The following PAK5 variants were observed in gnomAD, a reference collection of about 807,000 sequenced individuals.
PAK5 encodes p21 (RAC1) activated kinase 5.
In PAK5, 16 loss-of-function variants were observed where a neutral mutation model predicts 65.9. The observed-to-expected ratio is 0.24, with a 90% CI of 0.16 to 0.37. PAK5 has a LOEUF of 0.37. Among genes scored for constraint, PAK5 ranks in the 10% least tolerant of loss-of-function variants. The pLI, the probability that PAK5 is intolerant of heterozygous loss-of-function variation, is 1.00. For synonymous variants in PAK5, 371 were observed against 354.9 expected (o/e 1.05, Z -0.51); for missense variants, 785 against 903.9 (o/e 0.87, Z 1.69).
intron 4 of PAK5, among the ~76,000 whole-genome samples, chr20:9,567,705 A>C (rs2045705616): frequency 6.6e-6 from 1 of 152,258 alleles, no homozygotes; most frequent in Non-Finnish European, 1.5e-5. Context: ...CCAACAGTCA[A>C]AATGAATGAT....
intron 3 of PAK5, among the ~76,000 whole-genome samples, chr20:9,627,701 A>G (rs757933889): frequency 6.6e-6 from 1 of 151,838 alleles, no homozygotes; most frequent in Non-Finnish European, 1.5e-5. Context: ...ATCTCTGCTT[A>G]CTGCAACCTC....
chr20:9,678,944 C>T (rs2047612846), intron 2 of PAK5, among the ~76,000 whole-genome samples: 1 of 152,020 alleles, frequency 6.6e-6, no homozygotes, highest in African/African-American at 2.4e-5. Context: ...GCTGATATTC[C>T]CAGGCAGAGT....
At chr20:9,701,854 G>T (rs1329452091) in intron 2 of PAK5, among the ~76,000 whole-genome samples, 4 of 151,922 alleles carry the variant, frequency 2.6e-5, no homozygotes. Flanking sequence ...TAAAAAATTA[G>T]TCAGGTGTGG....
chr20:9,624,448 T>C (rs138833989), intron 3 of PAK5, among the ~76,000 whole-genome samples: 102 of 152,190 alleles, frequency 6.7e-4, no homozygotes, highest in African/African-American at 2.4e-3. Context: ...GTAGAATTTG[T>C]ACACTTGGAA....
chr20:9,641,943 G>A (rs1205083146), intron 3 of PAK5, among the ~76,000 whole-genome samples: 1 of 152,042 alleles, frequency 6.6e-6, no homozygotes. Flanking sequence ...AGCACCGCAT[G>A]CAGCCCCGGT....
rs141393301 is a variant in PAK5 at position 9,724,311 on chromosome 20, T to C, written c.-161-12876A>G. ...AAGTGTAAGTTTTCAAGGCACTCGT[T>C]TTCTTTGAATTGCCAACCTTCAGCT... On this transcript the variant is annotated intron_variant, in intron 1 of 9. Coordinates refer to ENST00000353224, the MANE Select transcript of PAK5 (RefSeq NM_177990.4). Among the ~76,000 whole-genome samples, 908 of 152,318 alleles carry C rather than the reference T, an allele frequency of 6.0e-3. 9 individuals are homozygous for C. The highest frequency in any genetic ancestry group is 0.021 in the African/African-American group (874 of 41,548).
intron 1 of PAK5, among the ~76,000 whole-genome samples, chr20:9,755,013 G>A (rs1329686246): frequency 1.3e-5 from 2 of 152,206 alleles, no homozygotes; most frequent in African/African-American, 2.4e-5. Flanking sequence ...GATTGCATCA[G>A]CTGACCAAAT....
chr20:9,738,560 AG>A (rs1197274899), intron 1 of PAK5, among the ~76,000 whole-genome samples: 1 of 152,182 alleles, frequency 6.6e-6, no homozygotes, highest in African/African-American at 2.4e-5. Context: ...AGGAAGCCAG[AG>A]GAAAAAAACA....
chr20:9,653,563 T>C (rs986923372), intron 2 of PAK5, among the ~76,000 whole-genome samples: 1 of 152,154 alleles, frequency 6.6e-6, no homozygotes, highest in Non-Finnish European at 1.5e-5. Context: ...GTTCTGAGAG[T>C]TCACTTTGCC....
At chr20:9,630,930 G>T (rs2046913041) in intron 3 of PAK5, among the ~76,000 whole-genome samples, 1 of 152,154 alleles carries the variant, frequency 6.6e-6, no homozygotes, top group Non-Finnish European at 1.5e-5. Flanking sequence ...TGTTGGACAG[G>T]CTGGGGGCAT....
chr20:9,582,180 C>T (rs1409291436), intron 3 of PAK5, among the ~76,000 whole-genome samples: 1 of 152,160 alleles, frequency 6.6e-6, no homozygotes, highest in African/African-American at 2.4e-5. Context: ...TCTTGCATTG[C>T]TATTAAGGAA....
rs576340565 is a variant in PAK5 at position 9,838,914 on chromosome 20, G to A, written c.-314C>T. The A allele has an allele frequency of 6.6e-6, 1 of 152,412 alleles. No homozygotes were observed. Among genetic ancestry groups the A allele is most frequent in the South Asian group, 2.1e-4 (1 of 4,826 alleles). 9.4% of individuals were successfully genotyped at this position (152,412 alleles called of 1,614,324 possible). ...AGGGGGGCGGGGGCCAGCGGGAGGG[G>A]GTGAGAGGCAGAGCCACAGCTTTCT... On this transcript the variant is annotated 5_prime_UTR_variant, in exon 1 of 10. Transcript: ENST00000353224. The surrounding 1 kb of genome is among the most constrained non-coding windows in gnomAD (Gnocchi z 4.5).
At chr20:9,654,711 C>T (rs2047244443) in intron 2 of PAK5, among the ~76,000 whole-genome samples, 2 of 152,190 alleles carry the variant, frequency 1.3e-5, no homozygotes, top group Non-Finnish European at 2.9e-5. Context: ...GGGACCACCC[C>T]TTGGTACCTC....
intron 1 of PAK5, among the ~76,000 whole-genome samples, chr20:9,802,269 G>T (rs111950907): frequency 0.011 from 1,718 of 152,194 alleles, 40 homozygotes; most frequent in African/African-American, 0.039. Context: ...GGCATCATGT[G>T]AGGTTAGCTA....
chr20:9,786,845 T>C (rs2048998194), intron 1 of PAK5, among the ~76,000 whole-genome samples: 1 of 152,168 alleles, frequency 6.6e-6, no homozygotes, highest in Non-Finnish European at 1.5e-5. Context: ...GTCACAAAAG[T>C]TTCCTGTTGA....
At chr20:9,678,775 G>A (rs1348851581) in intron 2 of PAK5, among the ~76,000 whole-genome samples, 1 of 152,096 alleles carries the variant, frequency 6.6e-6, no homozygotes. Context: ...TAAATCTCAT[G>A]AGAACTTACT....
At chr20:9,705,239 T>A (rs1278919168) in intron 2 of PAK5, among the ~76,000 whole-genome samples, 1 of 149,130 alleles carries the variant, frequency 6.7e-6, no homozygotes. Flanking sequence ...TGTGTCTAAT[T>A]AAAAAAAAAA....
At chr20:9,747,103 T>C (rs1434037611) in intron 1 of PAK5, among the ~76,000 whole-genome samples, 1 of 152,146 alleles carries the variant, frequency 6.6e-6, no homozygotes, top group Admixed American at 6.6e-5. Context: ...GATAAATTCC[T>C]CGACACGTAC....
At chr20:9,640,154 C>T (rs372832015) in intron 3 of PAK5, among the ~76,000 whole-genome samples, 2 of 151,414 alleles carry the variant, frequency 1.3e-5, no homozygotes, top group East Asian at 3.9e-4. Context: ...GTGCTGCACC[C>T]ATTAACTCAT....
Sources: allele counts gnomAD v4.1 joint callset (sites outside exome capture counted in the v4.1 genomes callset), GRCh38; gene constraint gnomAD v4.1.1; non-coding constraint Gnocchi (gnomAD v3.1); transcripts MANE v1.5; gene names NCBI Gene and HGNC (gene_info 2026-07-23, HGNC 2026-07-21).